ANKRD12: variants seen among roughly 807,000 people sequenced by gnomAD.
ANKRD12 encodes the protein ankyrin repeat domain-containing protein 12.
A neutral mutation model predicts 183.4 loss-of-function variants in ANKRD12; 85 were observed. That is an observed-to-expected ratio of 0.46 (90% confidence interval 0.39 to 0.56). The LOEUF (loss-of-function observed/expected upper bound fraction) is 0.56, where lower values mean the gene tolerates loss of function less well. ANKRD12 is among the 20% of genes least tolerant of loss of function. The pLI is 0.00. For synonymous variants in ANKRD12, 914 were observed against 800.2 expected (o/e 1.14, Z -2.40); for missense variants, 2,405 against 2,357.1 (o/e 1.02, Z -0.42).
chr18:9,253,114 G>A (rs117196353), intron 8 of ANKRD12, among the ~76,000 whole-genome samples: 2,095 of 152,030 alleles, frequency 0.014, 19 homozygotes, highest in Non-Finnish European at 0.02. Context: ...ATAATTTGTG[G>A]GGTACATGTG....
At chr18:9,218,665 CTTTTTTT>C (rs58382120) in intron 7 of ANKRD12, among the ~76,000 whole-genome samples, 1 of 142,896 alleles carries the variant, frequency 7.0e-6, no homozygotes, top group Non-Finnish European at 1.5e-5. Flanking sequence ...CTTCTTTTTT[CTTTTTTT>C]TTTTTTCTTT....
intron 3 of ANKRD12, among the ~76,000 whole-genome samples, chr18:9,196,843 CTT>C (rs572803235): frequency 6.7e-6 from 1 of 149,794 alleles, no homozygotes; most frequent in Admixed American, 6.7e-5. Context: ...GATTCAGAAT[CTT>C]TTTTTTTTCC....
intron 8 of ANKRD12, among the ~76,000 whole-genome samples, chr18:9,245,075 C>T (rs746054678): frequency 6.6e-6 from 1 of 151,660 alleles, no homozygotes; most frequent in Non-Finnish European, 1.5e-5. Context: ...TGCACTTAGC[C>T]CATCTGAATA....
chr18:9,162,235 C>T (rs559922807), intron 1 of ANKRD12, among the ~76,000 whole-genome samples: 6 of 151,534 alleles, frequency 4.0e-5, no homozygotes, highest in South Asian at 4.2e-4. Context: ...TGTCCCCCCC[C>T]ACCCCAATAT....
chr18:9,171,070 G>T (rs888716826), intron 1 of ANKRD12, among the ~76,000 whole-genome samples: 4 of 152,162 alleles, frequency 2.6e-5, no homozygotes, highest in Non-Finnish European at 5.9e-5. Context: ...CTGGAAGTTT[G>T]GTCTCAGAGG....
chr18:9,278,004 T>A (rs1004829139), intron 11 of ANKRD12, among the ~76,000 whole-genome samples: 2 of 152,228 alleles, frequency 1.3e-5, no homozygotes, highest in Non-Finnish European at 2.9e-5. Context: ...ATAAGCCTGA[T>A]GATTGGGTTT....
intron 10 of ANKRD12, among the ~76,000 whole-genome samples, chr18:9,264,505 G>A (rs1244433120): frequency 4.6e-5 from 7 of 151,754 alleles, no homozygotes; most frequent in African/African-American, 1.7e-4. Context: ...TAACTTCTTT[G>A]GTTCATACAT....
In ANKRD12 at chr18:9,263,862, C is replaced by T. The variant is rs577647372; in HGVS notation, c.5737C>T (p.Leu1913=). The T allele has an allele frequency of 8.0e-6, 12 of 1,507,190 alleles. No individual in the cohort carries two copies. In the Admixed American group the frequency reaches 1.6e-4, roughly 20 times the overall value. 93.4% of individuals were successfully genotyped at this position (1,507,190 alleles called of 1,614,324 possible). The part of the protein sequence containing the change: ...FRQQEVVRMK[L]RLQHSIEREK... Reference sequence around the variant, plus strand: ...ACAACAGGAAGTTGTAAGGATGAAACTACGTTTGCAACACAGTATTGAAAG... The same window carrying T: ...ACAACAGGAAGTTGTAAGGATGAAATTACGTTTGCAACACAGTATTGAAAG... The change falls in exon 10 of 13, where the codon CTA becomes TTA. Residue 1913 remains leucine (L), a synonymous_variant. Transcript: ENST00000262126.
intron 2 of ANKRD12, 26 bp from the exon 3 acceptor site, chr18:9,195,525 C>T (rs1163760713): frequency 1.3e-6 from 2 of 1,547,480 alleles, no homozygotes; most frequent in African/African-American, 2.8e-5. Context: ...ATTGATATAA[C>T]TTTACTCTAT....
chr18:9,142,966 A>G (rs921066705), intron 1 of ANKRD12, among the ~76,000 whole-genome samples: 2 of 152,224 alleles, frequency 1.3e-5, no homozygotes, highest in Non-Finnish European at 2.9e-5. Context: ...ATTTCCTACC[A>G]TAATTTGCAC....
chr18:9,144,501 G>A (rs144336650), intron 1 of ANKRD12, among the ~76,000 whole-genome samples: 205 of 152,256 alleles, frequency 1.3e-3, no homozygotes, highest in Non-Finnish European at 2.2e-3. Flanking sequence ...ATACTCAGAT[G>A]TTAGGGTGGG....
chr18:9,161,655 T>C (rs7239236), intron 1 of ANKRD12, among the ~76,000 whole-genome samples: 150,892 of 152,060 alleles, frequency 0.99, 74,869 homozygotes, highest in East Asian at 1. Flanking sequence ...GGATTACAGG[T>C]GTGAGCCACT....
At chr18:9,204,922 G>A (rs554753390) in intron 4 of ANKRD12, among the ~76,000 whole-genome samples, 23 of 152,292 alleles carry the variant, frequency 1.5e-4, no homozygotes, top group African/African-American at 5.5e-4. Flanking sequence ...TATACCAAGT[G>A]TACTGATTTC....
chr18:9,194,669 T>C (rs974338324), intron 2 of ANKRD12, among the ~76,000 whole-genome samples: 9 of 152,204 alleles, frequency 5.9e-5, no homozygotes, highest in Non-Finnish European at 1.3e-4. Context: ...ATTTTATTTT[T>C]TAAATAAAAT....
rs139071340 is a variant in ANKRD12, at chr18:9,257,351, G to A, written c.4084G>A (p.Val1362Ile). 3 of 1,614,088 alleles carry A rather than the reference G, an allele frequency of 1.9e-6. No individual in the cohort carries two copies. The highest frequency in any genetic ancestry group is 1.7e-5 in the Admixed American group (1 of 60,022). Residue 1362 changes from valine (V) to isoleucine (I), a missense_variant, in exon 9 of 13, where the codon GTA (valine) becomes ATA (isoleucine). Val to Ile is a conservative substitution (Grantham distance 29). Around this residue, in one of 7 missense-constraint regions of ANKRD12, gnomAD observed 1,983 missense variants for 1,725.9 expected, o/e 1.15. Coordinates refer to ENST00000262126, the MANE Select transcript of ANKRD12 (RefSeq NM_015208.5). ...TGTGCCTGAAAGAGACCTTTCAAAT[G>A]TATCTAACATACATTCCAGTTTTGC... ...SNVPERDLSNVSNIHSSFATS... is the reference protein window; with the variant it reads ...SNVPERDLSNISNIHSSFATS...
rs1306798247 is a variant in ANKRD12, at chr18:9,257,101, A to T, written c.3834A>T (p.Ala1278=). 2 of 1,614,058 alleles carry T rather than the reference A, an allele frequency of 1.2e-6. No homozygotes were observed. The highest frequency in any genetic ancestry group is 1.7e-6 in the Non-Finnish European group (2 of 1,180,014). The part of the protein sequence containing the change: ...DLPERIKPPY[A]NRLSTSHLRS... The stretch of plus-strand genomic sequence containing the variant: ...CGGAGCGGATTAAACCACCATATGC[A>T]AACAGACTTTCAACATCCCATCTTA... The change falls in exon 9 of 13, where the codon GCA becomes GCT. Residue 1278 remains alanine, a synonymous_variant. Transcript: ENST00000262126.
chr18:9,192,001 C>T (rs770722986), intron 2 of ANKRD12, among the ~76,000 whole-genome samples: 1 of 152,158 alleles, frequency 6.6e-6, no homozygotes, highest in Non-Finnish European at 1.5e-5. Context: ...CACATTTCAC[C>T]TTTCTTCTTT....
chr18:9,156,179 T>A (rs2030427420), intron 1 of ANKRD12, among the ~76,000 whole-genome samples: 1 of 151,448 alleles, frequency 6.6e-6, no homozygotes, highest in Non-Finnish European at 1.5e-5. Flanking sequence ...GACTTTTATG[T>A]CACATTTTGG....
In ANKRD12 at chr18:9,258,526, C is replaced by T. The variant is rs765198493; in HGVS notation, c.5259C>T (p.Ser1753=). The T allele has an allele frequency of 6.2e-7, 1 of 1,613,696 alleles. No individual in the cohort carries two copies. Among genetic ancestry groups the T allele is most frequent in the Admixed American group, 1.7e-5 (1 of 59,904 alleles). ...ATCAAAGCAAACAGATTCTTGCTAG[C>T]TGTACACTATTATCAGAAAAAGACA... ...MANQSKQILA[S]CTLLSEKDSE... is the part of the protein sequence containing the mutation. The change falls in exon 9 of 13, where the codon AGC becomes AGT. Residue 1753 remains serine, a synonymous_variant. Coordinates refer to ENST00000262126, the MANE Select transcript of ANKRD12 (RefSeq NM_015208.5).
Sources: allele counts gnomAD v4.1 joint callset (sites outside exome capture counted in the v4.1 genomes callset), GRCh38; gene constraint gnomAD v4.1.1; regional missense constraint gnomAD v4.1.1; transcripts MANE v1.5; gene names NCBI Gene and HGNC (gene_info 2026-07-23, HGNC 2026-07-21).